PTPRD: variants seen among roughly 807,000 people sequenced by gnomAD.
The protein encoded by PTPRD is protein tyrosine phosphatase receptor type D, also known as receptor-type tyrosine-protein phosphatase delta.
In PTPRD, 34 loss-of-function variants were observed where a neutral mutation model predicts 214.5. The ratio of observed to expected loss-of-function variants is 0.16; its 90% confidence interval spans 0.12 to 0.21. The LOEUF (loss-of-function observed/expected upper bound fraction) is 0.21, where lower values mean the gene tolerates loss of function less well. Among genes scored for constraint, PTPRD ranks in the 10% least tolerant of loss-of-function variants. The pLI, the probability that PTPRD is intolerant of heterozygous loss-of-function variation, is 1.00. For missense variants in PTPRD, 2,545 were observed against 2,398.7 expected, an observed-to-expected ratio of 1.06 and a Z score of -1.27; for synonymous variants, 1,128 against 845.7, an observed-to-expected ratio of 1.33 and a Z score of -5.79.
At chr9:8,526,712 AGG>A in intron 16 of PTPRD, 68 bp from the exon 17 acceptor site, 1 of 1,271,782 alleles carries the variant, frequency 7.9e-7, no homozygotes, top group Non-Finnish European at 1.1e-6. Flanking sequence ...GAAGGAGGCT[AGG>A]GCTGGGGAGA....
intron 8 of PTPRD, among the ~76,000 whole-genome samples, chr9:9,421,178 C>G (rs2078668456): frequency 6.6e-6 from 1 of 151,814 alleles, no homozygotes. Context: ...AACAATGGCC[C>G]TGCCTTTATA....
intron 12 of PTPRD, among the ~76,000 whole-genome samples, chr9:8,726,247 G>A (rs1432242140): frequency 1.3e-5 from 2 of 151,856 alleles, no homozygotes; most frequent in Non-Finnish European, 2.9e-5. Context: ...ACACATCTAC[G>A]TAGGCAGGAG....
chr9:9,229,439 G>A (rs62529547), intron 9 of PTPRD, among the ~76,000 whole-genome samples: 16,484 of 152,050 alleles, frequency 0.11, 1,121 homozygotes, highest in Middle Eastern at 0.14. Context: ...GTTCCTGTGT[G>A]ATGAATAATC....
chr9:9,784,792 T>C (rs2098905697), intron 5 of PTPRD, among the ~76,000 whole-genome samples: 1 of 150,962 alleles, frequency 6.6e-6, no homozygotes, highest in African/African-American at 2.4e-5. Flanking sequence ...GATATATATA[T>C]GTTTATATCT....
At chr9:9,030,732 A>G (rs368381) in intron 10 of PTPRD, among the ~76,000 whole-genome samples, 68,552 of 151,474 alleles carry the variant, frequency 0.45, 15,936 homozygotes, top group East Asian at 0.62. Flanking sequence ...GTTGTTAGAG[A>G]GTGGAATCCA....
chr9:10,284,895 T>C (rs1026746143), intron 3 of PTPRD, among the ~76,000 whole-genome samples: 15 of 152,180 alleles, frequency 9.9e-5, no homozygotes, highest in Non-Finnish European at 2.1e-4. Context: ...TTGAGATTCA[T>C]CTTAGAATTC....
At chr9:8,987,245 C>A (rs140692978) in intron 11 of PTPRD, among the ~76,000 whole-genome samples, 6 of 151,976 alleles carry the variant, frequency 3.9e-5, no homozygotes, top group South Asian at 2.1e-4. Flanking sequence ...AGACGATTGG[C>A]CAGGGTGAAA....
At chr9:9,462,307 C>G (rs2093730920) in intron 8 of PTPRD, among the ~76,000 whole-genome samples, 1 of 152,006 alleles carries the variant, frequency 6.6e-6, no homozygotes, top group Non-Finnish European at 1.5e-5. Context: ...AACTATGCAG[C>G]CAAGAATGGA....
intron 5 of PTPRD, among the ~76,000 whole-genome samples, chr9:9,826,631 T>C (rs1457896502): frequency 6.6e-6 from 1 of 152,054 alleles, no homozygotes; most frequent in African/African-American, 2.4e-5. Context: ...GTATACTTAG[T>C]GTCCTTAGTA....
intron 9 of PTPRD, among the ~76,000 whole-genome samples, chr9:9,292,760 A>G (rs1458624594): frequency 6.6e-6 from 1 of 151,194 alleles, no homozygotes; most frequent in African/African-American, 2.4e-5. Flanking sequence ...CTTAGACTAA[A>G]CTTGTTTTTG....
At chr9:8,876,457 T>A (rs954171837) in intron 11 of PTPRD, among the ~76,000 whole-genome samples, 10 of 152,180 alleles carry the variant, frequency 6.6e-5, no homozygotes, top group Non-Finnish European at 1.3e-4. Context: ...TTCTGAAAAC[T>A]CCACATGCCT....
intron 7 of PTPRD, among the ~76,000 whole-genome samples, chr9:9,701,815 G>C (rs1485153197): frequency 1.3e-5 from 2 of 152,066 alleles, no homozygotes; most frequent in African/African-American, 2.4e-5. Context: ...AAACTGATAA[G>C]CTATTTGAAA....
intron 8 of PTPRD, among the ~76,000 whole-genome samples, chr9:9,408,131 A>G: frequency 6.6e-6 from 1 of 151,828 alleles, no homozygotes; most frequent in East Asian, 1.9e-4. Context: ...CAGGAAATTT[A>G]CTTTATCAGT....
intron 9 of PTPRD, among the ~76,000 whole-genome samples, chr9:9,187,418 G>A (rs2099932295): frequency 6.6e-6 from 1 of 151,934 alleles, no homozygotes; most frequent in African/African-American, 2.4e-5. Flanking sequence ...AATAAGTTTT[G>A]AAATACCTAA....
chr9:8,735,731 G>A (rs1397492531), intron 11 of PTPRD, among the ~76,000 whole-genome samples: 1 of 151,928 alleles, frequency 6.6e-6, no homozygotes, highest in African/African-American at 2.4e-5. Flanking sequence ...CCAACATGGT[G>A]AAACTCCGTC....
intron 12 of PTPRD, chr9:8,713,638 T>C: frequency 6.5e-7 from 1 of 1,527,578 alleles, no homozygotes; most frequent in Non-Finnish European, 9.0e-7. Context: ...CACCCAGTGC[T>C]ACCGAGACAT....
At position 9,163,646 on chromosome 9, in the gene PTPRD, C is replaced by A. The variant is rs1347451164; in HGVS notation, c.-143+19658G>T. Among the ~76,000 whole-genome samples the A allele has an allele frequency of 3.3e-5, 5 of 152,170 alleles. No homozygotes were observed. In the East Asian group the frequency reaches 7.7e-4, roughly 24 times the overall value. ...TATGAGAATACAGTTATGATATTCTCCCACTTAAAATCTTTTAAAGCTGTC... is the reference window on the plus strand; with the variant it reads ...TATGAGAATACAGTTATGATATTCTACCACTTAAAATCTTTTAAAGCTGTC... On this transcript the variant is annotated intron_variant, in intron 10 of 45. Transcript: ENST00000381196.
intron 3 of PTPRD, among the ~76,000 whole-genome samples, chr9:10,117,211 C>A (rs1278184724): frequency 6.6e-6 from 1 of 152,042 alleles, no homozygotes; most frequent in African/African-American, 2.4e-5. Flanking sequence ...GCACTTTCAA[C>A]ACGGCAAGAA....
intron 11 of PTPRD, among the ~76,000 whole-genome samples, chr9:8,840,525 G>A (rs1412668723): frequency 2.6e-5 from 4 of 152,078 alleles, no homozygotes; most frequent in Non-Finnish European, 4.4e-5. Flanking sequence ...GTGTGAAAGC[G>A]GACTAATACA....
Sources: allele counts gnomAD v4.1 joint callset (sites outside exome capture counted in the v4.1 genomes callset), GRCh38; gene constraint gnomAD v4.1.1; transcripts MANE v1.5; gene names NCBI Gene and HGNC (gene_info 2026-07-23, HGNC 2026-07-21).